Variants in RGPD1 observed in about 807,000 individuals in gnomAD.
The protein encoded by RGPD1 is RANBP2-like and GRIP domain-containing protein 1.
A neutral mutation model predicts 40.6 loss-of-function variants in RGPD1; 7 were observed. The ratio of observed to expected loss-of-function variants is 0.17; its 90% CI spans 0.10 to 0.32. The LOEUF is 0.32. Among genes scored for constraint, RGPD1 ranks in the 10% least tolerant of loss-of-function variants. The pLI, the probability that RGPD1 is intolerant of heterozygous loss-of-function variation, is 1.00. For synonymous variants in RGPD1, 24 were observed against 167.0 expected, an observed-to-expected ratio of 0.14 and a Z score of 6.60; for missense variants, 50 against 472.5, an observed-to-expected ratio of 0.11 and a Z score of 8.29.
chr2:86,942,335 GC>G, intron 1 of RGPD1, 27 bp downstream of exon 1: 3 of 971,060 alleles, frequency 3.1e-6, no homozygotes, highest in Non-Finnish European at 3.9e-6. Flanking sequence ...GAGACCGACG[GC>G]CTCGACCTGG....
upstream of RGPD1, among the ~76,000 whole-genome samples, chr2:86,938,533 C>T (rs1240626937): frequency 4.7e-5 from 7 of 149,262 alleles, no homozygotes; most frequent in South Asian, 2.1e-4. Context: ...GCATGGGCAA[C>T]GCCTAGACTC....
chr2:86,930,542 G>A lies in RGPD1; in HGVS notation c.72+16621G>A. The A allele has an allele frequency of 3.2e-6, 5 of 1,572,376 alleles. No homozygotes were observed. The South Asian group carries it at 5.6e-5, about 18-fold the overall frequency. On this transcript the variant is annotated intron_variant, in intron 1 of 22. Transcript: ENST00000398193. ...CTCGTCGGTGGCGGAAGGCCCAACA[G>A]CAGCTAAAGAGGATGAGGACAGTCC...
chr2:86,935,979 T>G (rs1174442476), intron 1 of RGPD1, among the ~76,000 whole-genome samples: 2 of 128,604 alleles, frequency 1.6e-5, no homozygotes, highest in Admixed American at 7.3e-5. Context: ...TCAGATATTT[T>G]CTTATCAAAA....
At chr2:86,925,196 A>G (rs2104684135) in intron 1 of RGPD1, among the ~76,000 whole-genome samples, 2 of 152,172 alleles carry the variant, frequency 1.3e-5, no homozygotes, top group South Asian at 4.2e-4. Flanking sequence ...TTCCCTTAGA[A>G]TGTGGCTTTA....
chr2:86,999,839 A>AT (rs1302369185), intron 22 of RGPD1, among the ~76,000 whole-genome samples: 4 of 30,678 alleles, frequency 1.3e-4, no homozygotes, highest in African/African-American at 1.0e-3. Flanking sequence ...TTCAGGCTTA[A>AT]TTTTTTTTAC....
intron 1 of RGPD1, among the ~76,000 whole-genome samples, chr2:86,925,114 A>G (rs1337699859): frequency 3.3e-5 from 5 of 152,238 alleles, no homozygotes; most frequent in Admixed American, 6.5e-5. Context: ...ATCAACTTGT[A>G]AATTAGATTT....
At chr2:86,945,146 TTCA>T (rs1251138323) in intron 1 of RGPD1, among the ~76,000 whole-genome samples, 2 of 152,136 alleles carry the variant, frequency 1.3e-5, no homozygotes, top group Admixed American at 1.3e-4. Context: ...AGAATGTTCT[TTCA>T]ACTACATAAC....
At position 86,951,378 on chromosome 2, in the gene RGPD1, CAT is replaced by C. The variant is rs749078621; in HGVS notation, c.137+19_137+20del. ...GCTAAAAAGTAAGTACAAACTGTAA[CAT>C]GTATTCTTTTTTTAAAATCAATGCC... On this transcript the variant is annotated intron_variant, in intron 2 of 22. Transcript: ENST00000641458. 20 of 422,164 alleles carry C rather than the reference CAT, an allele frequency of 4.7e-5. 1 individual carries two copies. The highest frequency in any genetic ancestry group is 3.3e-5 in the Non-Finnish European group (11 of 334,570). The allele number at this position is 422,164 out of a possible 1,614,324, so 26.2% of individuals were successfully genotyped here.
At chr2:86,964,259 G>A (rs1281752342) in intron 7 of RGPD1, among the ~76,000 whole-genome samples, 1 of 102,598 alleles carries the variant, frequency 9.7e-6, no homozygotes, top group African/African-American at 4.6e-5. Context: ...TAGCCAGGAT[G>A]GTCTCAATCT....
At chr2:86,926,045 A>T (rs1383411829) in intron 1 of RGPD1, among the ~76,000 whole-genome samples, 1 of 152,290 alleles carries the variant, frequency 6.6e-6, no homozygotes, top group Non-Finnish European at 1.5e-5. Flanking sequence ...GCTATGTAGA[A>T]TGTAGTAGAG....
chr2:86,940,700 A>T (rs1679673041), upstream of RGPD1, among the ~76,000 whole-genome samples: 1 of 152,116 alleles, frequency 6.6e-6, no homozygotes, highest in African/African-American at 2.4e-5. Flanking sequence ...GGCTAAAGGG[A>T]TGTTCCCCCC....
intron 1 of RGPD1, among the ~76,000 whole-genome samples, chr2:86,942,544 G>T (rs1558799685): frequency 7.6e-6 from 1 of 132,032 alleles, no homozygotes; most frequent in Non-Finnish European, 1.7e-5. Context: ...TGGCCGGGCG[G>T]CGGCGGCGGC....
At chr2:86,942,797 C>T (rs1320123979) in intron 1 of RGPD1, among the ~76,000 whole-genome samples, 1 of 151,800 alleles carries the variant, frequency 6.6e-6, no homozygotes, top group Non-Finnish European at 1.5e-5. Context: ...CCGGCTGGCG[C>T]AGTCCTGTGG....
chr2:86,959,900 A>ATT (rs1228415791), intron 6 of RGPD1, among the ~76,000 whole-genome samples: 1 of 6,740 alleles, frequency 1.5e-4, no homozygotes, highest in African/African-American at 1.2e-3. Context: ...CACCTGGCTA[A>ATT]TTTTTTTTTT....
At chr2:86,943,267 T>C (rs1680053293) in intron 1 of RGPD1, among the ~76,000 whole-genome samples, 1 of 132,756 alleles carries the variant, frequency 7.5e-6, no homozygotes, top group Admixed American at 7.3e-5. Flanking sequence ...CATACTCACC[T>C]CCCTCGCCCC....
Position 86,930,122 on chromosome 2 carries a change from G to A in RGPD1, c.72+16201G>A, listed in dbSNP as rs558758942. On this transcript the variant is annotated intron_variant, in intron 1 of 22. Transcript: ENST00000398193. Reference sequence around the variant, plus strand: ...TTAATACCGGAGTCGCCAGTTAAACGGCGATAGCGGCAGGAGGGGGGTGTG... The same window carrying A: ...TTAATACCGGAGTCGCCAGTTAAACAGCGATAGCGGCAGGAGGGGGGTGTG... 21 of 1,543,018 alleles carry A rather than the reference G, an allele frequency of 1.4e-5. 1 individual carries two copies. In the African/African-American group the frequency reaches 2.4e-4, roughly 17 times the overall value.
chr2:86,942,025 C>T (rs1411237584), upstream of RGPD1, among the ~76,000 whole-genome samples: 1 of 151,692 alleles, frequency 6.6e-6, no homozygotes, highest in African/African-American at 2.4e-5. Context: ...AAGACACCCT[C>T]AGAGCACAGG....
upstream of RGPD1, among the ~76,000 whole-genome samples, chr2:86,941,991 C>T (rs1322999288): frequency 2.0e-5 from 3 of 151,886 alleles, no homozygotes; most frequent in South Asian, 2.1e-4. Context: ...GGATTACAGG[C>T]GTGAGCCACG....
intron 1 of RGPD1, among the ~76,000 whole-genome samples, chr2:86,929,881 C>T (rs1235325852): frequency 1.4e-5 from 2 of 141,760 alleles, no homozygotes; most frequent in African/African-American, 5.0e-5. Flanking sequence ...GGAGTTGGGA[C>T]TAGGGCTGTT....
Sources: gnomAD v4.1 joint callset for allele counts (sites outside exome capture counted in the v4.1 genomes callset) on GRCh38, gnomAD v4.1.1 for gene constraint, MANE v1.5 for transcripts, NCBI Gene and HGNC (gene_info 2026-07-23, HGNC 2026-07-21) for gene names.